DGKB: variants seen among roughly 807,000 people sequenced by gnomAD.
DGKB encodes diacylglycerol kinase beta.
DGKB carries 67 observed loss-of-function variants against 114.3 expected under a neutral mutation model. The ratio of observed to expected loss-of-function variants is 0.59; its 90% CI spans 0.48 to 0.72. The LOEUF (loss-of-function observed/expected upper bound fraction) is 0.72, where lower values mean the gene tolerates loss of function less well. Among genes scored for constraint, DGKB ranks in the 30% least tolerant of loss-of-function variants. The probability of loss-of-function intolerance (pLI) is 0.00; values close to 1 mark genes in which losing one functional copy is unlikely to be tolerated. For missense variants in DGKB, 907 were observed against 975.2 expected, an observed-to-expected ratio of 0.93 and a Z score of 0.93; for synonymous variants, 398 against 323.1, an observed-to-expected ratio of 1.23 and a Z score of -2.49.
At chr7:14,265,381 T>C (rs116542812) in intron 23 of DGKB, among the ~76,000 whole-genome samples, 24 of 134,212 alleles carry the variant, frequency 1.8e-4, no homozygotes, top group African/African-American at 6.4e-4. Flanking sequence ...TAACATTAAC[T>C]AGCCATGCTT....
chr7:14,415,525 G>A (rs1268737304), intron 21 of DGKB, among the ~76,000 whole-genome samples: 1 of 151,374 alleles, frequency 6.6e-6, no homozygotes, highest in Non-Finnish European at 1.5e-5. Context: ...GCGGTGTTTG[G>A]TTTTTTGTTC....
At chr7:14,809,261 G>C (rs1286000793) in intron 2 of DGKB, among the ~76,000 whole-genome samples, 1 of 152,072 alleles carries the variant, frequency 6.6e-6, no homozygotes, top group African/African-American at 2.4e-5. Flanking sequence ...ATTTACGATA[G>C]TTTTAACTAC....
intron 2 of DGKB, among the ~76,000 whole-genome samples, chr7:14,812,582 T>G (rs1387114008): frequency 1.3e-5 from 2 of 152,166 alleles, no homozygotes; most frequent in Non-Finnish European, 2.9e-5. Flanking sequence ...GCATACTGAA[T>G]TCCAAAAATT....
At chr7:14,316,619 A>C (rs370837850) in intron 23 of DGKB, among the ~76,000 whole-genome samples, 9,225 of 126,628 alleles carry the variant, frequency 0.073, 281 homozygotes, top group East Asian at 0.1. Flanking sequence ...CAATAACAGG[A>C]TCTGAAATTG....
intron 6 of DGKB, among the ~76,000 whole-genome samples, chr7:14,708,631 A>C (rs1210689761): frequency 6.6e-6 from 1 of 151,616 alleles, no homozygotes; most frequent in Non-Finnish European, 1.5e-5. Flanking sequence ...AAATCAATGG[A>C]ACAGAACAGA....
At chr7:14,485,663 C>G (rs1783693423) in intron 20 of DGKB, among the ~76,000 whole-genome samples, 1 of 151,806 alleles carries the variant, frequency 6.6e-6, no homozygotes, top group Admixed American at 6.6e-5. Context: ...CTTTGGGAGA[C>G]TGAGACAGGC....
At chr7:14,642,574 C>A (rs1034656281) in intron 13 of DGKB, among the ~76,000 whole-genome samples, 12 of 152,056 alleles carry the variant, frequency 7.9e-5, no homozygotes, top group Admixed American at 7.9e-4. Context: ...GTCTCAGTAA[C>A]CACAAAATAA....
intron 1 of DGKB, among the ~76,000 whole-genome samples, chr7:14,963,417 TTTGA>T (rs1385140029): frequency 6.6e-6 from 1 of 152,130 alleles, no homozygotes; most frequent in Non-Finnish European, 1.5e-5. Flanking sequence ...CTACTAAGTA[TTTGA>T]TTGAAGTAAT....
intron 1 of DGKB, among the ~76,000 whole-genome samples, chr7:14,875,386 C>G (rs1320337256): frequency 6.6e-6 from 1 of 152,078 alleles, no homozygotes; most frequent in Non-Finnish European, 1.5e-5. Flanking sequence ...TTTAATCATT[C>G]ACTTTTCAGG....
chr7:14,242,994 T>C (rs1034050706), intron 23 of DGKB, among the ~76,000 whole-genome samples: 2 of 151,902 alleles, frequency 1.3e-5, no homozygotes, highest in East Asian at 1.9e-4. Flanking sequence ...AGTATGAAGA[T>C]TGGAGATTGG....
intron 17 of DGKB, among the ~76,000 whole-genome samples, chr7:14,597,751 A>C (rs1412683218): frequency 6.6e-6 from 1 of 151,898 alleles, no homozygotes; most frequent in East Asian, 1.9e-4. Context: ...CTTGAGTCTT[A>C]TTATTATTAT....
chr7:14,204,993 T>C (rs1185694184), intron 23 of DGKB, among the ~76,000 whole-genome samples: 1 of 152,052 alleles, frequency 6.6e-6, no homozygotes, highest in Non-Finnish European at 1.5e-5. Flanking sequence ...TTTTATCCTC[T>C]TAATCAACTT....
chr7:14,658,050 A>G (rs1020433247), intron 13 of DGKB, among the ~76,000 whole-genome samples: 2 of 152,086 alleles, frequency 1.3e-5, no homozygotes, highest in Admixed American at 6.6e-5. Context: ...CTTAATCACC[A>G]TATTTACAAT....
intron 1 of DGKB, among the ~76,000 whole-genome samples, chr7:14,877,205 T>C (rs1352692467): frequency 1.3e-5 from 2 of 152,192 alleles, no homozygotes; most frequent in African/African-American, 4.8e-5. Flanking sequence ...CCCCCTATTA[T>C]ACGATTGCTG....
rs190553932 is a variant in DGKB at position 14,474,728 on chromosome 7, T to C, written c.1835+3433A>G. Among the ~76,000 whole-genome samples the C allele has an allele frequency of 1.3e-3, 192 of 152,196 alleles. 2 individuals are homozygous for C. Among genetic ancestry groups the C allele is most frequent in the African/African-American group, 4.4e-3 (183 of 41,572 alleles). On this transcript the variant is annotated intron_variant, in intron 21 of 25. Transcript: ENST00000402815. ...GTATTATGTATGTGAATTATGAATG[T>C]AAATATGTTTATGAATACTAATTGA...
At chr7:14,528,764 C>T (rs866195612) in intron 20 of DGKB, among the ~76,000 whole-genome samples, 1 of 152,006 alleles carries the variant, frequency 6.6e-6, no homozygotes, top group Non-Finnish European at 1.5e-5. Flanking sequence ...ATATCTTTCG[C>T]AAGACAGGTA....
At chr7:14,624,842 G>T (rs540448990) in intron 14 of DGKB, among the ~76,000 whole-genome samples, 1 of 151,790 alleles carries the variant, frequency 6.6e-6, no homozygotes, top group Non-Finnish European at 1.5e-5. Context: ...TACTAAAAAC[G>T]CAAAAATATA....
intron 21 of DGKB, among the ~76,000 whole-genome samples, chr7:14,418,371 G>GTATATA (rs369934623): frequency 9.2e-5 from 12 of 129,918 alleles, no homozygotes; most frequent in East Asian, 6.5e-4. Context: ...ATGTGTGTGT[G>GTATATA]TATATATATA....
At chr7:14,185,667 G>C (rs1261878775) in intron 23 of DGKB, among the ~76,000 whole-genome samples, 1 of 152,100 alleles carries the variant, frequency 6.6e-6, no homozygotes, top group Non-Finnish European at 1.5e-5. Flanking sequence ...TACAAAAACA[G>C]GCACATAGAC....
Sources: allele counts gnomAD v4.1 joint callset (sites outside exome capture counted in the v4.1 genomes callset), GRCh38; gene constraint gnomAD v4.1.1; transcripts MANE v1.5; gene names NCBI Gene and HGNC (gene_info 2026-07-23, HGNC 2026-07-21).